The following CFAP299 variants were observed in gnomAD, a reference collection of about 807,000 sequenced individuals.
CFAP299 encodes the protein cilia and flagella associated protein 299.
A neutral mutation model predicts 27.0 loss-of-function variants in CFAP299; 21 were observed. The observed-to-expected ratio is 0.78, with a 90% CI of 0.55 to 1.12. CFAP299 has a LOEUF of 1.12. Among genes scored for constraint, CFAP299 ranks in the 50% most tolerant of loss-of-function variants. The probability of loss-of-function intolerance (pLI) is 0.00; values close to 1 mark genes in which losing one functional copy is unlikely to be tolerated. For missense variants in CFAP299, 310 were observed against 276.6 expected, an observed-to-expected ratio of 1.12 and a Z score of -0.86; for synonymous variants, 104 against 98.1, an observed-to-expected ratio of 1.06 and a Z score of -0.36.
intron 1 of CFAP299, among the ~76,000 whole-genome samples, chr4:80,361,848 C>T (rs921573643): frequency 1.3e-5 from 2 of 151,934 alleles, no homozygotes; most frequent in African/African-American, 2.4e-5. Flanking sequence ...CATTCAACAG[C>T]GATATAGTAA....
intron 3 of CFAP299, among the ~76,000 whole-genome samples, chr4:80,764,228 T>G (rs754863955): frequency 6.6e-5 from 10 of 151,658 alleles, no homozygotes; most frequent in Non-Finnish European, 1.2e-4. Flanking sequence ...ATATCCAGAG[T>G]CTACAAGGAA....
intron 2 of CFAP299, among the ~76,000 whole-genome samples, chr4:80,392,653 C>T (rs1176772267): frequency 3.3e-5 from 5 of 152,048 alleles, no homozygotes; most frequent in African/African-American, 1.2e-4. Context: ...TAAGGCCTTC[C>T]CGGCCACGCT....
At chr4:80,958,091 C>T (rs1380873139) in intron 5 of CFAP299, among the ~76,000 whole-genome samples, 1 of 152,096 alleles carries the variant, frequency 6.6e-6, no homozygotes, top group African/African-American at 2.4e-5. Flanking sequence ...ATCCAAGAAA[C>T]TCTGTCCGTA....
At chr4:80,378,903 T>G (rs1303829325) in intron 2 of CFAP299, among the ~76,000 whole-genome samples, 1 of 152,136 alleles carries the variant, frequency 6.6e-6, no homozygotes, top group Non-Finnish European at 1.5e-5. Context: ...TGTATTTGTC[T>G]TTAGTCTTTT....
chr4:80,798,447 TC>T (rs1430660892), intron 3 of CFAP299, among the ~76,000 whole-genome samples: 2 of 152,118 alleles, frequency 1.3e-5, no homozygotes, highest in Non-Finnish European at 1.5e-5. Context: ...TTCATCAGTG[TC>T]CTCCCACACA....
At position 80,434,719 on chromosome 4, in the gene CFAP299, G is replaced by C. The variant is rs373173737; in HGVS notation, c.242+71835G>C. ...AAGACAGAATTTGATGCCACAATTTGGGTGCATAAAGAGGTATAACCTAGA... is the reference window on the plus strand; with the variant it reads ...AAGACAGAATTTGATGCCACAATTTCGGTGCATAAAGAGGTATAACCTAGA... On this transcript the variant is annotated intron_variant, in intron 2 of 5. Coordinates refer to ENST00000358105, the MANE Select transcript of CFAP299 (RefSeq NM_152770.3). 2.6e-5 allele frequency among the ~76,000 whole-genome samples: 4 copies of C among 152,174 alleles called. No individual in the cohort carries two copies. The East Asian group carries it at 7.7e-4, about 29-fold the overall frequency.
chr4:80,567,928 A>G (rs893591553), intron 2 of CFAP299, among the ~76,000 whole-genome samples: 8 of 151,724 alleles, frequency 5.3e-5, no homozygotes, highest in Non-Finnish European at 1.0e-4. Context: ...TATTTGAATC[A>G]ATTAAAATGT....
rs199846938 is a variant in CFAP299 at position 80,545,671 on chromosome 4, CAA to C, written c.243-37421_243-37420del. On this transcript the variant is annotated intron_variant, in intron 2 of 5. Coordinates refer to ENST00000358105, the MANE Select transcript of CFAP299 (RefSeq NM_152770.3). ...AGGCAAATTCTACCAGATTTACAAA[CAA>C]GAGATAGTACCATTTCTACTAAAAC... Among the ~76,000 whole-genome samples the C allele has an allele frequency of 7.6e-3, 1,157 of 152,190 alleles. 8 individuals are homozygous for C. The highest frequency in any genetic ancestry group is 0.015 in the Admixed American group (236 of 15,280).
intron 3 of CFAP299, among the ~76,000 whole-genome samples, chr4:80,855,939 G>T (rs934096483): frequency 5.3e-5 from 8 of 151,772 alleles, no homozygotes; most frequent in Non-Finnish European, 1.0e-4. Context: ...GGATGGCTGG[G>T]TCAAATGGTA....
At chr4:80,439,710 G>C (rs541611985) in intron 2 of CFAP299, among the ~76,000 whole-genome samples, 1 of 152,254 alleles carries the variant, frequency 6.6e-6, no homozygotes, top group Admixed American at 6.5e-5. Flanking sequence ...CATTCCCCTG[G>C]AAAGGGGGCT....
At chr4:80,824,329 G>A (rs1729866691) in intron 3 of CFAP299, among the ~76,000 whole-genome samples, 2 of 152,130 alleles carry the variant, frequency 1.3e-5, no homozygotes, top group Admixed American at 1.3e-4. Flanking sequence ...AGGTAGCTGT[G>A]CATGTTTATG....
chr4:80,421,110 A>T (rs902273362), intron 2 of CFAP299, among the ~76,000 whole-genome samples: 1 of 152,134 alleles, frequency 6.6e-6, no homozygotes, highest in Non-Finnish European at 1.5e-5. Flanking sequence ...TTCATAGCCC[A>T]GCTGAAACAC....
At chr4:80,721,759 A>C (rs1187446541) in intron 3 of CFAP299, among the ~76,000 whole-genome samples, 2 of 152,184 alleles carry the variant, frequency 1.3e-5, no homozygotes, top group Non-Finnish European at 1.5e-5. Context: ...GGTTAAGGCA[A>C]ATTTTGGTAG....
chr4:80,359,470 T>G (rs531908655), intron 1 of CFAP299, among the ~76,000 whole-genome samples: 5 of 152,176 alleles, frequency 3.3e-5, no homozygotes, highest in African/African-American at 1.2e-4. Flanking sequence ...GTCCATAGAT[T>G]CCATCTCTTT....
At chr4:80,958,644 A>C (rs1205056308) in intron 5 of CFAP299, among the ~76,000 whole-genome samples, 3 of 152,186 alleles carry the variant, frequency 2.0e-5, no homozygotes, top group African/African-American at 7.2e-5. Context: ...CAAATGAATA[A>C]CCATAAGAAA....
intron 1 of CFAP299, among the ~76,000 whole-genome samples, chr4:80,350,702 A>C (rs1443343872): frequency 6.6e-6 from 1 of 152,148 alleles, no homozygotes; most frequent in Non-Finnish European, 1.5e-5. Flanking sequence ...CAAACACCAC[A>C]TGTTCTCACT....
intron 4 of CFAP299, among the ~76,000 whole-genome samples, chr4:80,942,547 G>A (rs1737253968): frequency 1.3e-5 from 2 of 151,958 alleles, no homozygotes; most frequent in Non-Finnish European, 2.9e-5. Context: ...CTCTGCTTAG[G>A]AGAACAAAAG....
At chr4:80,599,869 C>CG in intron 3 of CFAP299, among the ~76,000 whole-genome samples, 1 of 151,918 alleles carries the variant, frequency 6.6e-6, no homozygotes, top group Non-Finnish European at 1.5e-5. Context: ...GGGCCTTTAG[C>CG]AATGATGCAA....
chr4:80,718,417 T>C (rs77401079), intron 3 of CFAP299, among the ~76,000 whole-genome samples: 10,471 of 152,124 alleles, frequency 0.069, 808 homozygotes, highest in African/African-American at 0.18. Context: ...TTATCACTAT[T>C]ATTTTCATCA....
Sources: allele counts gnomAD v4.1 joint callset (sites outside exome capture counted in the v4.1 genomes callset), GRCh38; gene constraint gnomAD v4.1.1; transcripts MANE v1.5; gene names NCBI Gene and HGNC (gene_info 2026-07-23, HGNC 2026-07-21).